Variants in HAUS1 observed in about 807,000 individuals in gnomAD.
HAUS1 encodes the protein HAUS augmin like complex subunit 1, also known as HAUS augmin-like complex subunit 1.
HAUS1 carries 25 observed loss-of-function variants against 38.6 expected under a neutral mutation model. The observed-to-expected ratio is 0.65, with a 90% CI of 0.47 to 0.91. HAUS1 has a LOEUF of 0.91. Ranked by LOEUF, HAUS1 falls within the 40% of genes least tolerant of loss-of-function variation. HAUS1 has a pLI of 0.00. For synonymous variants in HAUS1, 109 were observed against 112.9 expected, an observed-to-expected ratio of 0.97 and a Z score of 0.22; for missense variants, 325 against 328.4, an observed-to-expected ratio of 0.99 and a Z score of 0.08.
In HAUS1 at chr18:46,124,819, C is replaced by T. The variant is rs1312544657; in HGVS notation, c.667-3C>T. 6.3e-7 allele frequency: 1 copy of T among 1,585,490 alleles called. No homozygotes were observed. Among genetic ancestry groups the T allele is most frequent in the African/African-American group, 1.3e-5 (1 of 74,172 alleles). The stretch of plus-strand genomic sequence containing the variant: ...CTCTGTGACTGTGTTCTTTTACCCC[C>T]AGAAACTGGCAAGATTAAAGCAACA... On this transcript the variant is annotated splice_region_variant and splice_polypyrimidine_tract_variant and intron_variant, in intron 6 of 8. Coordinates refer to ENST00000282058, the MANE Select transcript of HAUS1 (RefSeq NM_138443.4).
At chr18:46,114,206 G>C (rs2144254209) in intron 2 of HAUS1, among the ~76,000 whole-genome samples, 1 of 152,276 alleles carries the variant, frequency 6.6e-6, no homozygotes, top group Middle Eastern at 3.4e-3. Context: ...TCTTGAATCT[G>C]CTCCCAATTT....
intron 2 of HAUS1, among the ~76,000 whole-genome samples, chr18:46,110,314 C>T (rs1911585847): frequency 7.0e-6 from 1 of 142,486 alleles, no homozygotes; most frequent in Admixed American, 7.2e-5. Context: ...AATCACCATG[C>T]CCAGCTTATT....
intron 2 of HAUS1, among the ~76,000 whole-genome samples, chr18:46,108,489 CTCT>C (rs1409988276): frequency 6.6e-6 from 1 of 151,900 alleles, no homozygotes; most frequent in Admixed American, 6.6e-5. Context: ...GTTTAGTCTG[CTCT>C]TCTTTTTTCA....
rs1911853490 is a variant in HAUS1, at chr18:46,118,473, G to A, written c.341+157G>A. 9.6e-6 allele frequency: 6 copies of A among 626,484 alleles called. No individual in the cohort carries two copies. In the East Asian group the frequency reaches 1.7e-4, roughly 17 times the overall value. The allele number at this position is 626,484 out of a possible 1,614,324, so 38.8% of individuals were successfully genotyped here. A position where few individuals can be genotyped will look rare whatever the true frequency, so the allele number is the denominator to read the frequency against. On this transcript the variant is annotated intron_variant, in intron 3 of 8. Transcript: ENST00000282058. ...CTTTGCCAGTGAGTATAATTAATTT[G>A]GATAAATATGGTATTGGTTAATTTT...
chr18:46,122,389 A>C, intron 4 of HAUS1, 78 bp from the exon 5 acceptor site: 1 of 1,462,884 alleles, frequency 6.8e-7, no homozygotes, highest in Non-Finnish European at 9.5e-7. Context: ...TTGAATCCAA[A>C]AGTAGTAGAG....
At chr18:46,124,292 C>G (rs1016998846) in intron 6 of HAUS1, among the ~76,000 whole-genome samples, 1 of 151,898 alleles carries the variant, frequency 6.6e-6, no homozygotes, top group Admixed American at 6.6e-5. Flanking sequence ...TGCCTGTAAT[C>G]CCAGCTACTC....
At position 46,113,697 on chromosome 18, in the gene HAUS1, T is replaced by C. The variant is rs116289350; in HGVS notation, c.206-4484T>C. Among the ~76,000 whole-genome samples the C allele has an allele frequency of 8.4e-3, 1,283 of 152,294 alleles. 9 individuals are homozygous for C. Among genetic ancestry groups the C allele is most frequent in the African/African-American group, 0.029 (1,195 of 41,564 alleles). ...GTTGCTTGCTTTTTTCTATTACAGT[T>C]CCTGTCTTATTCTTTGCATTCCTCT... is the stretch of plus-strand genomic sequence containing the variant. On this transcript the variant is annotated intron_variant, in intron 2 of 8. Coordinates refer to ENST00000282058, the MANE Select transcript of HAUS1 (RefSeq NM_138443.4).
chr18:46,106,057 C>A (rs1177349407), intron 2 of HAUS1, among the ~76,000 whole-genome samples: 2 of 152,172 alleles, frequency 1.3e-5, no homozygotes, highest in Non-Finnish European at 2.9e-5. Context: ...TTTAGTCATA[C>A]GGACCTATCA....
intron 2 of HAUS1, among the ~76,000 whole-genome samples, chr18:46,113,427 T>C (rs1260884074): frequency 6.6e-6 from 1 of 152,158 alleles, no homozygotes; most frequent in Non-Finnish European, 1.5e-5. Flanking sequence ...CTTCTGCCGC[T>C]GCAAATCTAG....
chr18:46,112,330 G>GTA (rs1193399271), intron 2 of HAUS1, among the ~76,000 whole-genome samples: 4 of 121,602 alleles, frequency 3.3e-5, no homozygotes, highest in East Asian at 2.3e-4. Flanking sequence ...TATATAATGT[G>GTA]TATATATATT....
chr18:46,119,183 A>C (rs942639068), intron 3 of HAUS1, among the ~76,000 whole-genome samples: 4 of 151,920 alleles, frequency 2.6e-5, no homozygotes, highest in Non-Finnish European at 5.9e-5. Flanking sequence ...TACGAATATT[A>C]ATACAACTTA....
At chr18:46,125,448 C>T (rs1442954541) in intron 7 of HAUS1, among the ~76,000 whole-genome samples, 2 of 150,470 alleles carry the variant, frequency 1.3e-5, no homozygotes, top group African/African-American at 2.4e-5. Flanking sequence ...ACTCAGGAGA[C>T]AGGCAGGAGA....
intron 4 of HAUS1, 97 bp from the exon 5 acceptor site, chr18:46,122,370 A>G: frequency 7.7e-7 from 1 of 1,294,804 alleles, no homozygotes; most frequent in Non-Finnish European, 1.1e-6. Context: ...ACTCTTGGCC[A>G]AGCCAGCATT....
Position 46,125,811 on chromosome 18 carries a change from T to C in HAUS1, c.786+20T>C. On this transcript the variant is annotated intron_variant, in intron 8 of 8. Coordinates refer to ENST00000282058, the MANE Select transcript of HAUS1 (RefSeq NM_138443.4). The stretch of plus-strand genomic sequence containing the variant: ...GAACTAGTAAGTAGTTCCTGTAATT[T>C]TTTCAGATTTTTTTAAAAAGAAAAT... 6.7e-7 allele frequency: 1 copy of C among 1,498,208 alleles called. No homozygotes were observed. The highest frequency in any genetic ancestry group is 2.3e-5 in the East Asian group (1 of 44,282). The allele number at this position is 1,498,208 out of a possible 1,614,324, so 92.8% of individuals were successfully genotyped here. A position where few individuals can be genotyped will look rare whatever the true frequency, so the allele number is the denominator to read the frequency against.
chr18:46,116,845 T>C lies in HAUS1; in HGVS notation c.206-1336T>C, dbSNP rs546430061. Among the ~76,000 whole-genome samples, 15 of 152,088 alleles carry C rather than the reference T, an allele frequency of 9.9e-5. No homozygotes were observed. In the South Asian group the frequency reaches 2.5e-3, roughly 25 times the overall value. ...CTGGGCAACATGGCAAAACACCATC[T>C]CCACAAAAAAATACAAAAATTAGCC... On this transcript the variant is annotated intron_variant, in intron 2 of 8. Transcript: ENST00000282058.
rs138531260 is a variant in HAUS1, at chr18:46,124,873, T to C, written c.718T>C (p.Ser240Pro). 1.1e-3 allele frequency: 1,827 copies of C among 1,594,632 alleles called. 1 individual carries two copies. Among genetic ancestry groups the C allele is most frequent in the Non-Finnish European group, 1.5e-3 (1,764 of 1,164,300 alleles). ...TATACCTTTGAAGAAAAAATTGGAGTCCTATTTAGACTTAATGCCGGTAAT... is the reference window on the plus strand; with the variant it reads ...TATACCTTTGAAGAAAAAATTGGAGCCCTATTTAGACTTAATGCCGGTAAT... ...QTIPLKKKLE[S>P]YLDLMPNPSL... is the part of the protein sequence containing the mutation. The change falls in exon 7 of 9, where the codon TCC becomes CCC. Residue 240 changes from serine to proline, a missense_variant. Transcript: ENST00000282058.
At chr18:46,121,067 A>T (rs951814717) in intron 4 of HAUS1, among the ~76,000 whole-genome samples, 6 of 152,208 alleles carry the variant, frequency 3.9e-5, no homozygotes, top group Admixed American at 3.9e-4. Flanking sequence ...GGGCCTATAG[A>T]TCAGGAGTAT....
chr18:46,111,815 T>C (rs573938282), intron 2 of HAUS1, among the ~76,000 whole-genome samples: 1 of 152,136 alleles, frequency 6.6e-6, no homozygotes, highest in South Asian at 2.1e-4. Context: ...GGTACTTCCA[T>C]TATGCGTATG....
At chr18:46,110,016 GT>G (rs1184145664) in intron 2 of HAUS1, among the ~76,000 whole-genome samples, 1 of 151,840 alleles carries the variant, frequency 6.6e-6, no homozygotes, top group Non-Finnish European at 1.5e-5. Flanking sequence ...TACAGTCTTT[GT>G]TTTTTCATAT....
Sources: gnomAD v4.1 joint callset for allele counts (sites outside exome capture counted in the v4.1 genomes callset) on GRCh38, gnomAD v4.1.1 for gene constraint, MANE v1.5 for transcripts, NCBI Gene and HGNC (gene_info 2026-07-23, HGNC 2026-07-21) for gene names.